ERFL: variants seen among roughly 807,000 people sequenced by gnomAD.
ERFL encodes the protein ETS domain-containing transcription factor ERF-like.
ERFL carries 8 observed loss-of-function variants against 27.9 expected under a neutral mutation model. The ratio of observed to expected loss-of-function variants is 0.29; its 90% CI spans 0.17 to 0.52. ERFL has a LOEUF of 0.52. Ranked by LOEUF, ERFL falls within the 20% of genes least tolerant of loss-of-function variation. ERFL has a pLI of 0.97. For missense variants in ERFL, 294 were observed against 444.4 expected (o/e 0.66, Z 3.04); for synonymous variants, 174 against 202.8 (o/e 0.86, Z 1.21).
rs187229020 is a variant in ERFL, at chr19:41,918,157, T to C, written c.-13-5225A>G. On this transcript the variant is annotated intron_variant, in intron 1 of 5. Transcript: ENST00000597630. ...TCAAATGCTCTGGCCTGACCCTGGT[T>C]GGGGGTGCCTTTGTGCCTGGGGTGT... Among the ~76,000 whole-genome samples, 21 of 152,040 alleles carry C rather than the reference T, an allele frequency of 1.4e-4. No homozygotes were observed. In the East Asian group the frequency reaches 3.7e-3, roughly 27 times the overall value.
chr19:41,925,940 G>C (rs574695888), intron 1 of ERFL, among the ~76,000 whole-genome samples: 111 of 152,158 alleles, frequency 7.3e-4, no homozygotes, highest in African/African-American at 2.5e-3. Context: ...CAGGTTAGCA[G>C]GTTGCATGTG....
At chr19:41,912,236 G>C (rs1555851328) in intron 2 of ERFL, among the ~76,000 whole-genome samples, 2 of 152,152 alleles carry the variant, frequency 1.3e-5, no homozygotes, top group African/African-American at 4.8e-5. Flanking sequence ...ACCCCTTCTA[G>C]AAACACTGAA....
intron 1 of ERFL, among the ~76,000 whole-genome samples, chr19:41,918,760 T>C (rs1262990308): frequency 7.4e-6 from 1 of 134,280 alleles, no homozygotes; most frequent in East Asian, 2.3e-4. Flanking sequence ...ACACCACATA[T>C]ACATCTACCA....
chr19:41,913,031 G>T lies in ERFL; in HGVS notation c.-13-99C>A, dbSNP rs552553088. 381 of 450,280 alleles carry T rather than the reference G, an allele frequency of 8.5e-4. 1 individual carries two copies. Among genetic ancestry groups the T allele is most frequent in the Non-Finnish European group, 1.2e-3 (338 of 273,936 alleles). 27.9% of individuals were successfully genotyped at this position (450,280 alleles called of 1,614,324 possible). ...TGCCCGGGGCCTTCCCCTCTCCCAG[G>T]TCCCCACCCCAGCCTGACACCCTCT... is the stretch of plus-strand genomic sequence containing the variant. On this transcript the variant is annotated intron_variant, in intron 1 of 5. Transcript: ENST00000597630.
chr19:41,910,563 A>T lies in ERFL; in HGVS notation c.68-466T>A, dbSNP rs2074746166. 6.6e-6 allele frequency among the ~76,000 whole-genome samples: 1 copy of T among 151,886 alleles called. No individual in the cohort carries two copies. The highest frequency in any genetic ancestry group is 2.4e-5 in the African/African-American group (1 of 41,336). ...TCCCTGTCCCCTGCTCCACCTTTCGACATTCCCCAGAGCCCCCCACTGACC... is the reference window on the plus strand; with the variant it reads ...TCCCTGTCCCCTGCTCCACCTTTCGTCATTCCCCAGAGCCCCCCACTGACC... On this transcript the variant is annotated intron_variant, in intron 2 of 5. Transcript: ENST00000597630. The surrounding 1 kb of genome is among the most constrained non-coding windows in gnomAD (Gnocchi z 4.4).
rs1309728884 is a variant in ERFL at position 41,910,768 on chromosome 19, GAC to G, written c.68-673_68-672del. Reference sequence around the variant, plus strand: ...ATGCCCACGGAAGACATGTCACACAGACATCAGTTCACTTGCCTGAGACACAC... The same window carrying G: ...ATGCCCACGGAAGACATGTCACACAGATCAGTTCACTTGCCTGAGACACAC... On this transcript the variant is annotated intron_variant, in intron 2 of 5. Coordinates refer to ENST00000597630, the MANE Select transcript of ERFL (RefSeq NM_001365103.2). This position sits in a 1 kb window ranked among gnomAD's most constrained non-coding sequence, Gnocchi z 4.4. 6.6e-6 allele frequency among the ~76,000 whole-genome samples: 1 copy of G among 152,126 alleles called. No homozygotes were observed. The highest frequency in any genetic ancestry group is 1.9e-4 in the East Asian group (1 of 5,190).
chr19:41,912,476 TC>T (rs1447700313), intron 2 of ERFL, among the ~76,000 whole-genome samples: 62 of 152,300 alleles, frequency 4.1e-4, no homozygotes, highest in Non-Finnish European at 2.6e-4. Context: ...TACCTGTCCA[TC>T]CGTGCCTGGC....
Position 41,908,289 on chromosome 19 carries a change from C to G in ERFL, c.1004G>C (p.Gly335Ala), listed in dbSNP as rs1200207349. 1 of 1,231,468 alleles carries G rather than the reference C, an allele frequency of 8.1e-7. No homozygotes were observed. Among genetic ancestry groups the G allele is most frequent in the African/African-American group, 1.6e-5 (1 of 64,404 alleles). The allele number at this position is 1,231,468 out of a possible 1,614,324, so 76.3% of individuals were successfully genotyped here. The part of the protein sequence containing the change: ...DVSGCSSDSE[G>A]DEGLPAPPKA... ...GGGGGGTGCCGGGAGACCCTCATCG[C>G]CCTCGCTGTCAGAGCTGCAGCCGCT... The change falls in exon 6 of 6, where the codon GGC (glycine) becomes GCC (alanine). Residue 335 changes from glycine (G) to alanine (A), a missense_variant. Physicochemically the swap from Gly to Ala is moderately conservative, Grantham distance 60. This residue lies in a region of ERFL where 246 missense variants were observed against 371.4 expected (regional missense o/e 0.66). Transcript: ENST00000597630. The surrounding 1 kb of genome is among the most constrained non-coding windows in gnomAD (Gnocchi z 6.7).
In ERFL at chr19:41,909,318, A is replaced by G; in HGVS notation, c.456T>C (p.Phe152=). 1 of 1,235,048 alleles carries G rather than the reference A, an allele frequency of 8.1e-7. No homozygotes were observed. Among genetic ancestry groups the G allele is most frequent in the Non-Finnish European group, 1.0e-6 (1 of 989,226 alleles). 76.5% of individuals were successfully genotyped at this position (1,235,048 alleles called of 1,614,324 possible). A position where few individuals can be genotyped will look rare whatever the true frequency, so the allele number is the denominator to read the frequency against. ...GSPLLLTPSP[F]GGAPGPDAPP... is the part of the protein sequence containing the mutation. ...GAGCATCTGGCCCTGGGGCCCCCCCAAAGGGACTGGGGGTCAGCAAGAGTG... is the reference window on the plus strand; with the variant it reads ...GAGCATCTGGCCCTGGGGCCCCCCCGAAGGGACTGGGGGTCAGCAAGAGTG... Residue 152 remains phenylalanine (F), a synonymous_variant, in exon 4 of 6, where the codon TTT becomes TTC. Transcript: ENST00000597630. The surrounding 1 kb of genome is among the most constrained non-coding windows in gnomAD (Gnocchi z 5.2).
At chr19:41,918,232 TAC>T (rs1568834216) in intron 1 of ERFL, among the ~76,000 whole-genome samples, 1 of 151,236 alleles carries the variant, frequency 6.6e-6, no homozygotes, top group Non-Finnish European at 1.5e-5. Context: ...ATACCACATA[TAC>T]ACACCACAAA....
Position 41,908,078 on chromosome 19 carries a change from A to C in ERFL, c.*150T>G, listed in dbSNP as rs1395079220. ...TGGAGGGGGAAGTGAGACCCCCCCC[A>C]CTCTGGGGCTGGGGAAGGAGACTGG... is the stretch of plus-strand genomic sequence containing the variant. On this transcript the variant is annotated 3_prime_UTR_variant, in exon 6 of 6. Coordinates refer to ENST00000597630, the MANE Select transcript of ERFL (RefSeq NM_001365103.2). This position sits in a 1 kb window ranked among gnomAD's most constrained non-coding sequence, Gnocchi z 6.7. 7.8e-6 allele frequency: 4 copies of C among 514,558 alleles called. No homozygotes were observed. Among genetic ancestry groups the C allele is most frequent in the Non-Finnish European group, 1.2e-5 (4 of 341,158 alleles). 31.9% of individuals were successfully genotyped at this position (514,558 alleles called of 1,614,324 possible). A position where few individuals can be genotyped will look rare whatever the true frequency, so the allele number is the denominator to read the frequency against.
chr19:41,922,735 G>C lies in ERFL; in HGVS notation c.-14+5305C>G, dbSNP rs187817760. 1.6e-4 allele frequency among the ~76,000 whole-genome samples: 25 copies of C among 152,282 alleles called. No individual in the cohort carries two copies. In the East Asian group the frequency reaches 4.1e-3, roughly 25 times the overall value. Reference sequence around the variant, plus strand: ...ACAAGGGCCGGGGTCCAGCCGGGCTGGGGGGGACTCAGGGCTCCAGGGGCA... The same window carrying C: ...ACAAGGGCCGGGGTCCAGCCGGGCTCGGGGGGACTCAGGGCTCCAGGGGCA... On this transcript the variant is annotated intron_variant, in intron 1 of 5. Transcript: ENST00000597630.
chr19:41,913,948 A>C (rs1346779865), intron 1 of ERFL, among the ~76,000 whole-genome samples: 2 of 136,904 alleles, frequency 1.5e-5, no homozygotes, highest in Non-Finnish European at 1.6e-5. Flanking sequence ...CTTCCTGGAG[A>C]CCCCCCAGAC....
chr19:41,926,758 C>T (rs1232750808), intron 1 of ERFL, among the ~76,000 whole-genome samples: 1 of 152,158 alleles, frequency 6.6e-6, no homozygotes, highest in Non-Finnish European at 1.5e-5. Flanking sequence ...GATAGATCCG[C>T]GCGCCGCTTG....
At chr19:41,919,868 C>T (rs1416568087) in intron 1 of ERFL, among the ~76,000 whole-genome samples, 1 of 152,094 alleles carries the variant, frequency 6.6e-6, no homozygotes, top group Non-Finnish European at 1.5e-5. Context: ...AACTCCAGAG[C>T]TTTGGACGGT....
chr19:41,917,482 C>T lies in ERFL; in HGVS notation c.-13-4550G>A, dbSNP rs1299309380. On this transcript the variant is annotated intron_variant, in intron 1 of 5. Transcript: ENST00000597630. The surrounding 1 kb of genome is among the most constrained non-coding windows in gnomAD (Gnocchi z 4.8). ...CCTTCATCCCTCACCCAGGCCCCCC[C>T]ATCCCCACCTCCCCTTAACACAATC... Among the ~76,000 whole-genome samples, 1 of 151,882 alleles carries T rather than the reference C, an allele frequency of 6.6e-6. No homozygotes were observed. The highest frequency in any genetic ancestry group is 2.4e-5 in the African/African-American group (1 of 41,302).
Position 41,912,663 on chromosome 19 carries a change from G to A in ERFL, c.67+190C>T, listed in dbSNP as rs2074760232. Among the ~76,000 whole-genome samples the A allele has an allele frequency of 3.9e-5, 6 of 152,328 alleles. No homozygotes were observed. The South Asian group carries it at 1.2e-3, about 32-fold the overall frequency. The stretch of plus-strand genomic sequence containing the variant: ...TATCCCCCCAGCACGCAGGGGGCAG[G>A]GGAATCTGGCTGCGAAGTTTTTAGC... On this transcript the variant is annotated intron_variant, in intron 2 of 5. Transcript: ENST00000597630.
chr19:41,927,019 A>G (rs1175616452), intron 1 of ERFL, among the ~76,000 whole-genome samples: 2 of 152,266 alleles, frequency 1.3e-5, no homozygotes, highest in East Asian at 3.9e-4. Context: ...GAAGAGACAC[A>G]GGGAGAGATA....
chr19:41,918,549 C>G (rs1050997619), intron 1 of ERFL, among the ~76,000 whole-genome samples: 8 of 147,574 alleles, frequency 5.4e-5, no homozygotes, highest in African/African-American at 1.8e-4. Context: ...ACCATACACA[C>G]ACACATCACT....
Sources: allele counts gnomAD v4.1 joint callset (sites outside exome capture counted in the v4.1 genomes callset), GRCh38; gene constraint gnomAD v4.1.1; regional missense constraint gnomAD v4.1.1; non-coding constraint Gnocchi (gnomAD v3.1); transcripts MANE v1.5; gene names NCBI Gene and HGNC (gene_info 2026-07-23, HGNC 2026-07-21).